BTNL8: variants seen among roughly 807,000 people sequenced by gnomAD.
The protein encoded by BTNL8 is butyrophilin-like protein 8.
A neutral mutation model predicts 36.1 loss-of-function variants in BTNL8; 22 were observed. That is an observed-to-expected ratio of 0.61 (90% confidence interval 0.44 to 0.87). BTNL8 has a LOEUF of 0.87. BTNL8 is among the 40% of genes least tolerant of loss of function. BTNL8 has a pLI of 0.00. For synonymous variants in BTNL8, 203 were observed against 235.6 expected, an observed-to-expected ratio of 0.86 and a Z score of 1.27; for missense variants, 526 against 616.9, an observed-to-expected ratio of 0.85 and a Z score of 1.56.
rs770180509 is a variant in BTNL8 at position 180,908,253 on chromosome 5, G to A, written c.50-333G>A. On this transcript the variant is annotated intron_variant, in intron 1 of 7. Coordinates refer to ENST00000340184, the MANE Select transcript of BTNL8 (RefSeq NM_001040462.3). ...AGCCCATCGGAAAAGCGCAATATTC[G>A]GGTGGGAGTGACCCGATTTTCCAGG... Among the ~76,000 whole-genome samples the A allele has an allele frequency of 4.6e-5, 7 of 152,090 alleles. No homozygotes were observed. The South Asian group carries it at 6.2e-4, about 14-fold the overall frequency.
intron 2 of BTNL8, 23 bp from the exon 3 acceptor site, chr5:180,911,316 A>C (rs1018602202): frequency 6.2e-7 from 1 of 1,611,428 alleles, no homozygotes; most frequent in East Asian, 2.2e-5. Context: ...TTTGCTTTCA[A>C]CCGTTCCCTG....
chr5:180,932,688 C>T (rs1332533740), intron 3 of BTNL8, among the ~76,000 whole-genome samples: 1 of 151,962 alleles, frequency 6.6e-6, no homozygotes, highest in Admixed American at 6.6e-5. Flanking sequence ...AGCAATTGCA[C>T]AAACAATAAA....
At chr5:180,900,958 G>C (rs530843589) in intron 1 of BTNL8, among the ~76,000 whole-genome samples, 1 of 152,298 alleles carries the variant, frequency 6.6e-6, no homozygotes, top group Non-Finnish European at 1.5e-5. Flanking sequence ...GGTTCCAAGG[G>C]TGGCAGGAAG....
intron 5 of BTNL8, chr5:180,948,643 A>C: frequency 1.2e-6 from 1 of 817,378 alleles, no homozygotes; most frequent in East Asian, 3.3e-5. Flanking sequence ...GTGGTGGGGG[A>C]AGGTGTTGAT....
At chr5:180,933,621 T>C (rs1758508961) in intron 3 of BTNL8, among the ~76,000 whole-genome samples, 1 of 151,882 alleles carries the variant, frequency 6.6e-6, no homozygotes, top group South Asian at 2.1e-4. Context: ...CACACAAAAC[T>C]TATGGGGTGC....
intron 3 of BTNL8, among the ~76,000 whole-genome samples, chr5:180,913,436 A>G (rs1757493707): frequency 6.6e-6 from 1 of 152,198 alleles, no homozygotes; most frequent in Non-Finnish European, 1.5e-5. Flanking sequence ...CTAAAGTTGG[A>G]AACAATGCAT....
chr5:180,911,648 GT>G, intron 3 of BTNL8, 34 bp downstream of exon 3: 1 of 1,569,818 alleles, frequency 6.4e-7, no homozygotes, highest in Non-Finnish European at 8.7e-7. Context: ...AGAAGGAGGG[GT>G]GGATGCTTCG....
At chr5:180,902,349 C>T in intron 1 of BTNL8, 2 of 1,549,816 alleles carry the variant, frequency 1.3e-6, no homozygotes, top group Non-Finnish European at 1.7e-6. Flanking sequence ...TCTGCAGGTG[C>T]TCCTCAAGAT....
At chr5:180,899,826 T>C (rs548760945) in intron 1 of BTNL8, among the ~76,000 whole-genome samples, 1 of 152,368 alleles carries the variant, frequency 6.6e-6, no homozygotes, top group East Asian at 1.9e-4. Flanking sequence ...AGCTGAAACC[T>C]GGCATATTCT....
rs1757398578 is a variant in BTNL8 at position 180,911,539 on chromosome 5, A to G, written c.598A>G (p.Asn200Asp). Residue 200 changes from asparagine (N) to aspartate (D), a missense_variant, in exon 3 of 8, where the codon AAC becomes GAC. Physicochemically the swap from Asn to Asp is conservative, Grantham distance 23. Transcript: ENST00000340184. ...GGAGATCTCTCTGACCGTCCAAGAGAACGCCGGGAGCATATCCTGTTCCAT... is the reference window on the plus strand; with the variant it reads ...GGAGATCTCTCTGACCGTCCAAGAGGACGCCGGGAGCATATCCTGTTCCAT... Reference protein sequence around the residue: ...DVEISLTVQENAGSISCSMRH... With the variant: ...DVEISLTVQEDAGSISCSMRH... 1.9e-6 allele frequency: 3 copies of G among 1,612,446 alleles called. No individual in the cohort carries two copies. In the South Asian group the frequency reaches 3.3e-5, roughly 18 times the overall value.
chr5:180,948,075 C>T (rs1260407546), intron 4 of BTNL8: 3 of 640,568 alleles, frequency 4.7e-6, no homozygotes, highest in Non-Finnish European at 2.6e-6. Context: ...GGTGAGGCCA[C>T]CCCCGCCTCC....
intron 3 of BTNL8, among the ~76,000 whole-genome samples, chr5:180,932,640 C>T (rs963401297): frequency 1.3e-5 from 2 of 152,134 alleles, no homozygotes; most frequent in African/African-American, 4.8e-5. Context: ...TGAGCCACTG[C>T]GCCTGGCCAA....
intron 3 of BTNL8, among the ~76,000 whole-genome samples, chr5:180,933,574 A>C (rs1405019353): frequency 6.6e-6 from 1 of 152,164 alleles, no homozygotes; most frequent in African/African-American, 2.4e-5. Context: ...AGAATGAAAT[A>C]AAAAATATTT....
chr5:180,909,716 T>TAAA (rs578101929), intron 2 of BTNL8: 13,859 of 187,664 alleles, frequency 0.074, 2,148 homozygotes, highest in African/African-American at 0.34. Context: ...TCATCTCTAT[T>TAAA]AAAAAAAAAA....
chr5:180,947,742 C>G (rs753358025), intron 4 of BTNL8, 117 bp downstream of exon 4: 6 of 1,613,096 alleles, frequency 3.7e-6, no homozygotes, highest in Middle Eastern at 3.3e-4. Flanking sequence ...CTCCAGGGGC[C>G]CAGGCCCAAA....
chr5:180,926,597 G>A (rs1219072963), intron 3 of BTNL8, among the ~76,000 whole-genome samples: 1 of 152,226 alleles, frequency 6.6e-6, no homozygotes, highest in Non-Finnish European at 1.5e-5. Context: ...TGGCAGCAGA[G>A]CAGTCTGGGG....
In BTNL8 at chr5:180,940,265, G is replaced by T. The variant is rs189649134; in HGVS notation, c.674-7247G>T. 1.4e-3 allele frequency among the ~76,000 whole-genome samples: 219 copies of T among 152,010 alleles called. 1 individual carries two copies. Among genetic ancestry groups the T allele is most frequent in the Middle Eastern group, 6.8e-3 (2 of 294 alleles). On this transcript the variant is annotated intron_variant, in intron 3 of 7. Transcript: ENST00000340184. ...GAGGCAGGAGAATCTCTTGAACCAG[G>T]GAGGCAGAGGTTGCAGTGAGCTGAG... is the stretch of plus-strand genomic sequence containing the variant.
chr5:180,929,572 C>G lies in BTNL8; in HGVS notation c.674-17940C>G, dbSNP rs940023106. 5.9e-5 allele frequency among the ~76,000 whole-genome samples: 9 copies of G among 151,818 alleles called. No homozygotes were observed. In the South Asian group the frequency reaches 1.7e-3, roughly 28 times the overall value. Reference sequence around the variant, plus strand: ...CAAAATAGATAGACCGTTAGTGAGACTAATAAAGAAGAAAAGAGAGAGGAA... The same window carrying G: ...CAAAATAGATAGACCGTTAGTGAGAGTAATAAAGAAGAAAAGAGAGAGGAA... On this transcript the variant is annotated intron_variant, in intron 3 of 7. Transcript: ENST00000340184.
At position 180,950,344 on chromosome 5, in the gene BTNL8, C is replaced by T. The variant is rs367930588; in HGVS notation, c.1303C>T (p.Arg435Trp). The change falls in exon 8 of 8, where the codon CGG becomes TGG. Residue 435 changes from arginine to tryptophan, a missense_variant. By Grantham distance (101) the Arg-to-Trp change is moderately radical (BLOSUM62 -3). This residue lies in a region of BTNL8 where 176 missense variants were observed against 292.3 expected (regional missense o/e 0.60). Coordinates refer to ENST00000340184, the MANE Select transcript of BTNL8 (RefSeq NM_001040462.3). Reference protein sequence around the residue: ...DQSLIYTLTCRFEGLLRPYIE... With the variant: ...DQSLIYTLTCWFEGLLRPYIE... Reference sequence around the variant, plus strand: ...GTCCCTTATTTATACCCTGACATGTCGGTTTGAAGGCTTATTGAGGCCCTA... The same window carrying T: ...GTCCCTTATTTATACCCTGACATGTTGGTTTGAAGGCTTATTGAGGCCCTA... 14 of 1,463,240 alleles carry T rather than the reference C, an allele frequency of 9.6e-6. 4 individuals carry two copies. Among genetic ancestry groups the T allele is most frequent in the Admixed American group, 1.9e-5 (1 of 53,318 alleles). The allele number at this position is 1,463,240 out of a possible 1,614,324, so 90.6% of individuals were successfully genotyped here.
Sources: allele counts gnomAD v4.1 joint callset (sites outside exome capture counted in the v4.1 genomes callset), GRCh38; gene constraint gnomAD v4.1.1; regional missense constraint gnomAD v4.1.1; transcripts MANE v1.5; gene names NCBI Gene and HGNC (gene_info 2026-07-23, HGNC 2026-07-21).